The following PCDH7 variants were observed in gnomAD, a reference collection of about 807,000 sequenced individuals.
The protein encoded by PCDH7 is protocadherin 7, also known as protocadherin-7.
Under a neutral mutation model 58.9 loss-of-function variants are expected in PCDH7, and 17 were observed. The observed-to-expected ratio is 0.29, with a 90% confidence interval of 0.20 to 0.43. The LOEUF is 0.43. Among genes scored for constraint, PCDH7 ranks in the 20% least tolerant of loss-of-function variants. The pLI is 1.00. For synonymous variants in PCDH7, 664 were observed against 616.4 expected, an observed-to-expected ratio of 1.08 and a Z score of -1.14; for missense variants, 1,274 against 1,441.0, an observed-to-expected ratio of 0.88 and a Z score of 1.88.
intron 1 of PCDH7, among the ~76,000 whole-genome samples, chr4:30,856,574 A>G (rs1733484191): frequency 6.6e-6 from 1 of 151,954 alleles, no homozygotes. Context: ...TTTTCTGTTT[A>G]TAAAATATAA....
At chr4:30,951,579 T>A (rs553042952) in intron 3 of PCDH7, among the ~76,000 whole-genome samples, 1 of 152,306 alleles carries the variant, frequency 6.6e-6, no homozygotes, top group African/African-American at 2.4e-5. Context: ...GGCACTTTAC[T>A]CATGGCTGTT....
intron 1 of PCDH7, among the ~76,000 whole-genome samples, chr4:30,793,264 T>C (rs1724361986): frequency 6.6e-6 from 1 of 152,172 alleles, no homozygotes; most frequent in African/African-American, 2.4e-5. Flanking sequence ...CCCACTTTAA[T>C]ACTAGGAAGA....
intron 3 of PCDH7, among the ~76,000 whole-genome samples, chr4:31,049,692 T>G (rs1756585165): frequency 6.6e-6 from 1 of 152,134 alleles, no homozygotes; most frequent in South Asian, 2.1e-4. Context: ...GGGCCCTGTT[T>G]GACTCTCTTC....
chr4:31,017,888 C>CT (rs1159022493), intron 3 of PCDH7, among the ~76,000 whole-genome samples: 2 of 151,834 alleles, frequency 1.3e-5, no homozygotes, highest in African/African-American at 2.4e-5. Context: ...TACAGGACTT[C>CT]TTTTTTTTCT....
At chr4:30,724,293 T>C in exon 1 of PCDH7, 1 of 1,613,802 alleles carries the variant, frequency 6.2e-7, no homozygotes, top group South Asian at 1.1e-5. Context: ...TGGAGGCTTC[T>C]AAGCCAAATG....
intron 1 of PCDH7, among the ~76,000 whole-genome samples, chr4:30,896,065 G>A (rs1182536606): frequency 6.6e-6 from 1 of 152,056 alleles, no homozygotes; most frequent in Non-Finnish European, 1.5e-5. Flanking sequence ...GAGGTGGAGG[G>A]GTTATTGTTT....
chr4:30,990,428 A>T (rs1021447820), intron 3 of PCDH7, among the ~76,000 whole-genome samples: 1 of 152,158 alleles, frequency 6.6e-6, no homozygotes, highest in Non-Finnish European at 1.5e-5. Context: ...ATTTTGCATT[A>T]ATACCTGTAA....
At chr4:31,006,667 C>T (rs1335381547) in intron 3 of PCDH7, among the ~76,000 whole-genome samples, 2 of 151,720 alleles carry the variant, frequency 1.3e-5, no homozygotes, top group African/African-American at 2.4e-5. Context: ...CTGAGGTGGG[C>T]GGATTACCTG....
chr4:30,891,722 G>C (rs1042452845), intron 1 of PCDH7, among the ~76,000 whole-genome samples: 2 of 151,362 alleles, frequency 1.3e-5, no homozygotes, highest in East Asian at 1.9e-4. Flanking sequence ...AAAACTGCTA[G>C]TTAATTACAT....
At chr4:30,794,554 G>GT (rs1724545793) in intron 1 of PCDH7, among the ~76,000 whole-genome samples, 1 of 152,050 alleles carries the variant, frequency 6.6e-6, no homozygotes, top group Non-Finnish European at 1.5e-5. Flanking sequence ...ACAGAACTGT[G>GT]TATTTATGGA....
rs193050805 is a variant in PCDH7 at position 30,930,071 on chromosome 4, G to T, written c.287+9702G>T. Among the ~76,000 whole-genome samples the T allele has an allele frequency of 3.9e-4, 59 of 152,298 alleles. 1 individual carries two copies. The highest frequency in any genetic ancestry group is 3.7e-3 in the Admixed American group (57 of 15,300). On this transcript the variant is annotated intron_variant, in intron 2 of 3. Coordinates refer to the PCDH7 transcript ENST00000509759. ...CTAAGCATTTAAATATTGTCAGAGA[G>T]AAAGGCGTGTACAGATTTGATGTTT...
Position 30,768,380 on chromosome 4 carries a change from G to A in PCDH7, c.70+43784G>A, listed in dbSNP as rs114771698. 1.8e-3 allele frequency among the ~76,000 whole-genome samples: 274 copies of A among 148,444 alleles called. 3 individuals are homozygous for A. The highest frequency in any genetic ancestry group is 6.4e-3 in the African/African-American group (255 of 39,796). On this transcript the variant is annotated intron_variant, in intron 1 of 3. Transcript: ENST00000509759. Reference sequence around the variant, plus strand: ...TGGAAATGTCAGAACTTTTAAGAGCGGCTGAAATTATGTCACCAGTAGAAA... The same window carrying A: ...TGGAAATGTCAGAACTTTTAAGAGCAGCTGAAATTATGTCACCAGTAGAAA...
intron 1 of PCDH7, among the ~76,000 whole-genome samples, chr4:30,881,338 T>C (rs755985874): frequency 2.0e-5 from 3 of 151,820 alleles, no homozygotes; most frequent in Non-Finnish European, 2.9e-5. Flanking sequence ...AGAGCAAGAC[T>C]CCATCTCAAA....
At chr4:30,970,910 T>C (rs545976335) in intron 3 of PCDH7, among the ~76,000 whole-genome samples, 3 of 152,332 alleles carry the variant, frequency 2.0e-5, no homozygotes, top group Non-Finnish European at 4.4e-5. Context: ...ATGTGCAAAG[T>C]GTACAGTGAG....
chr4:31,070,873 G>T (rs561934634), intron 3 of PCDH7, among the ~76,000 whole-genome samples: 1 of 152,036 alleles, frequency 6.6e-6, no homozygotes, highest in Non-Finnish European at 1.5e-5. Flanking sequence ...ACAAATATAG[G>T]TATTTGTTAA....
chr4:30,734,414 A>G (rs910295787), downstream of PCDH7, among the ~76,000 whole-genome samples: 7 of 151,978 alleles, frequency 4.6e-5, no homozygotes, highest in Non-Finnish European at 8.8e-5. Flanking sequence ...TTGTATTTTT[A>G]GTAGAAATGC....
At chr4:31,048,608 C>T (rs1356133862) in intron 3 of PCDH7, among the ~76,000 whole-genome samples, 1 of 151,956 alleles carries the variant, frequency 6.6e-6, no homozygotes, top group African/African-American at 2.4e-5. Context: ...ATGGGATGCC[C>T]ACAAAAGTCC....
chr4:30,865,361 G>C (rs1018475057), intron 1 of PCDH7, among the ~76,000 whole-genome samples: 6 of 152,068 alleles, frequency 3.9e-5, no homozygotes, highest in African/African-American at 1.4e-4. Flanking sequence ...CTTTTAATAA[G>C]TATTAGAACA....
chr4:30,885,819 A>T (rs1737657124), intron 1 of PCDH7, among the ~76,000 whole-genome samples: 1 of 152,140 alleles, frequency 6.6e-6, no homozygotes, highest in African/African-American at 2.4e-5. Flanking sequence ...ATAATGCCAC[A>T]TATCTACAAC....
Sources: gnomAD v4.1 joint callset for allele counts (sites outside exome capture counted in the v4.1 genomes callset) on GRCh38, gnomAD v4.1.1 for gene constraint, MANE v1.5 for transcripts, NCBI Gene and HGNC (gene_info 2026-07-23, HGNC 2026-07-21) for gene names.